PLXNC1: variants seen among roughly 807,000 people sequenced by gnomAD.
The protein encoded by PLXNC1 is plexin C1.
A neutral mutation model predicts 178.2 loss-of-function variants in PLXNC1; 75 were observed. That is an observed-to-expected ratio of 0.42 (90% CI 0.35 to 0.51). The LOEUF (loss-of-function observed/expected upper bound fraction) is 0.51, where lower values mean the gene tolerates loss of function less well. PLXNC1 is among the 20% of genes least tolerant of loss of function. The probability of loss-of-function intolerance (pLI) is 0.02; values close to 1 mark genes in which losing one functional copy is unlikely to be tolerated. For synonymous variants in PLXNC1, 790 were observed against 779.9 expected (o/e 1.01, Z -0.22); for missense variants, 1,503 against 1,984.4 (o/e 0.76, Z 4.61).
rs756034104 is a variant in PLXNC1 at position 94,259,590 on chromosome 12, TA to T, written c.3127-19del. On this transcript the variant is annotated intron_variant, in intron 18 of 30. Transcript: ENST00000258526. ...ATATATGATTTTGTATTATACTATA[TA>T]TTTTTTTCTTTTTATCAGAACAGAG... is the stretch of plus-strand genomic sequence containing the variant. 2.1e-5 allele frequency: 32 copies of T among 1,534,842 alleles called. No individual in the cohort carries two copies. In the East Asian group the frequency reaches 5.2e-4, roughly 25 times the overall value.
intron 23 of PLXNC1, among the ~76,000 whole-genome samples, chr12:94,292,253 T>C (rs1039247471): frequency 6.6e-6 from 1 of 152,032 alleles, no homozygotes; most frequent in Non-Finnish European, 1.5e-5. Context: ...TCATAAATGG[T>C]GATGGAAGAC....
chr12:94,184,178 G>T (rs576976812), intron 3 of PLXNC1, among the ~76,000 whole-genome samples: 1 of 150,918 alleles, frequency 6.6e-6, no homozygotes, highest in African/African-American at 2.4e-5. Flanking sequence ...GTGCAGTGGC[G>T]CAATCTCAGC....
At chr12:94,156,565 C>T (rs547932940) in intron 1 of PLXNC1, among the ~76,000 whole-genome samples, 1 of 151,864 alleles carries the variant, frequency 6.6e-6, no homozygotes, top group South Asian at 2.1e-4. Context: ...GCAACTACCT[C>T]CTCCTGGATT....
intron 4 of PLXNC1, among the ~76,000 whole-genome samples, chr12:94,206,561 G>A (rs1963307637): frequency 6.6e-6 from 1 of 151,636 alleles, no homozygotes; most frequent in Non-Finnish European, 1.5e-5. Flanking sequence ...TTTGCAAATA[G>A]GCTTGTGTCT....
At chr12:94,203,808 C>G (rs2135993614) in intron 4 of PLXNC1, among the ~76,000 whole-genome samples, 1 of 152,282 alleles carries the variant, frequency 6.6e-6, no homozygotes, top group East Asian at 1.9e-4. Context: ...AAAATGTCAC[C>G]TAAAAAGCGT....
chr12:94,222,396 C>T (rs1592781191), intron 6 of PLXNC1, among the ~76,000 whole-genome samples: 1 of 152,168 alleles, frequency 6.6e-6, no homozygotes, highest in Admixed American at 6.5e-5. Flanking sequence ...AGAATGGCTT[C>T]CCCCTTTCAC....
chr12:94,211,932 G>T (rs1963479718), intron 5 of PLXNC1, among the ~76,000 whole-genome samples: 1 of 152,184 alleles, frequency 6.6e-6, no homozygotes, highest in African/African-American at 2.4e-5. Context: ...GGGCTCCCCT[G>T]GTGGAATGAC....
intron 10 of PLXNC1, among the ~76,000 whole-genome samples, chr12:94,240,148 A>C (rs1964348705): frequency 2.0e-5 from 3 of 152,188 alleles, no homozygotes; most frequent in African/African-American, 4.8e-5. Context: ...TATGATACTC[A>C]ACAGAATTAT....
In PLXNC1 at chr12:94,300,922, C is replaced by T; in HGVS notation, c.4251C>T (p.Arg1417=). Residue 1417 remains arginine (R), a synonymous_variant, in exon 28 of 31, where the codon CGC becomes CGT. Coordinates refer to ENST00000258526, the MANE Select transcript of PLXNC1 (RefSeq NM_005761.3). ...TCTCTTTGAACAGCCTTCCTCTTCG[C>T]TTCTGGGTAAACATCCTGAAGAACC... ...HIWKTNSLPL[R]FWVNILKNPQ... 1 of 1,612,638 alleles carries T rather than the reference C, an allele frequency of 6.2e-7. No homozygotes were observed. Among genetic ancestry groups the T allele is most frequent in the African/African-American group, 1.3e-5 (1 of 75,008 alleles).
At chr12:94,275,537 C>G (rs1456951497) in intron 21 of PLXNC1, among the ~76,000 whole-genome samples, 1 of 152,184 alleles carries the variant, frequency 6.6e-6, no homozygotes, top group Non-Finnish European at 1.5e-5. Flanking sequence ...CCCCAAGGGC[C>G]TTGACTGTAC....
chr12:94,275,941 T>C (rs776389159), intron 21 of PLXNC1, among the ~76,000 whole-genome samples: 1 of 151,948 alleles, frequency 6.6e-6, no homozygotes, highest in Non-Finnish European at 1.5e-5. Flanking sequence ...TATCAATTTA[T>C]GTCTGAATTT....
At chr12:94,181,386 CAAAA>C in intron 2 of PLXNC1, 56 bp from the exon 3 acceptor site, 8 of 963,492 alleles carry the variant, frequency 8.3e-6, no homozygotes, top group East Asian at 3.2e-5. Context: ...GATTCCGTCT[CAAAA>C]AAAAAAAAAA....
intron 9 of PLXNC1, among the ~76,000 whole-genome samples, chr12:94,232,797 C>T (rs1479845457): frequency 6.6e-6 from 1 of 152,160 alleles, no homozygotes; most frequent in Non-Finnish European, 1.5e-5. Flanking sequence ...ATGCCCTGAG[C>T]TCAGAGTATC....
Position 94,260,561 on chromosome 12 carries a change from C to A in PLXNC1, c.3252-81C>A. On this transcript the variant is annotated intron_variant, in intron 19 of 30. Coordinates refer to ENST00000258526, the MANE Select transcript of PLXNC1 (RefSeq NM_005761.3). The surrounding 1 kb of genome is among the most constrained non-coding windows in gnomAD (Gnocchi z 4.4). ...CCCAACAGGCCAGCTCCCTGCCCTG[C>A]CAGTGAGCTTCCATGGAAACTCCCA... 1.0e-6 allele frequency: 1 copy of A among 981,754 alleles called. No homozygotes were observed. The highest frequency in any genetic ancestry group is 1.5e-6 in the Non-Finnish European group (1 of 647,040). The allele number at this position is 981,754 out of a possible 1,614,324, so 60.8% of individuals were successfully genotyped here.
In PLXNC1 at chr12:94,248,062, C is replaced by T; in HGVS notation, c.2548C>T (p.Arg850Trp). 4.3e-6 allele frequency: 7 copies of T among 1,614,004 alleles called. No individual in the cohort carries two copies. Among genetic ancestry groups the T allele is most frequent in the South Asian group, 1.1e-5 (1 of 91,064 alleles). The change falls in exon 13 of 31, where the codon CGG becomes TGG. Residue 850 changes from arginine (R) to tryptophan (W), a missense_variant. Around this residue, in one of 4 missense-constraint regions of PLXNC1, gnomAD observed 639 missense variants for 979.7 expected, o/e 0.65. Coordinates refer to ENST00000258526, the MANE Select transcript of PLXNC1 (RefSeq NM_005761.3). ...YREDPRFTGYRVESEVDTELE... is the reference protein window; with the variant it reads ...YREDPRFTGYWVESEVDTELE... ...GGAGGACCCCAGATTCACGGGGTATCGGGTGGAATCCGAGGTGGACACAGA... is the reference window on the plus strand; with the variant it reads ...GGAGGACCCCAGATTCACGGGGTATTGGGTGGAATCCGAGGTGGACACAGA...
At chr12:94,251,390 C>A in intron 14 of PLXNC1, 36 bp from the exon 15 acceptor site, 1 of 1,232,018 alleles carries the variant, frequency 8.1e-7, no homozygotes, top group Non-Finnish European at 1.2e-6. Flanking sequence ...CAGTCCCCAA[C>A]TCAATTGGGT....
At position 94,275,608 on chromosome 12, in the gene PLXNC1, C is replaced by G. The variant is rs545747986; in HGVS notation, c.3598-3864C>G. 1.6e-4 allele frequency among the ~76,000 whole-genome samples: 14 copies of G among 86,230 alleles called. 2 individuals carry two copies. The highest frequency in any genetic ancestry group is 6.5e-4 in the African/African-American group (13 of 20,042). 56.6% of individuals were successfully genotyped at this position (86,230 alleles called of 152,430 possible). ...GTGGCTCACGCCTGTAATCCCAGCA[C>G]TTTGGGAGGCCGAGGCGGGCGGATC... On this transcript the variant is annotated intron_variant, in intron 21 of 30. Coordinates refer to ENST00000258526, the MANE Select transcript of PLXNC1 (RefSeq NM_005761.3).
At chr12:94,218,917 G>A (rs1039738017) in intron 5 of PLXNC1, among the ~76,000 whole-genome samples, 1 of 152,058 alleles carries the variant, frequency 6.6e-6, no homozygotes, top group African/African-American at 2.4e-5. Flanking sequence ...TTCACACCTA[G>A]GATCATCAAG....
intron 12 of PLXNC1, among the ~76,000 whole-genome samples, chr12:94,246,539 C>T (rs779873154): frequency 6.6e-6 from 1 of 152,076 alleles, no homozygotes; most frequent in Non-Finnish European, 1.5e-5. Context: ...TGAAGGTGGC[C>T]GAGAAGGTGC....
Sources: allele counts gnomAD v4.1 joint callset (sites outside exome capture counted in the v4.1 genomes callset), GRCh38; gene constraint gnomAD v4.1.1; regional missense constraint gnomAD v4.1.1; non-coding constraint Gnocchi (gnomAD v3.1); transcripts MANE v1.5; gene names NCBI Gene and HGNC (gene_info 2026-07-23, HGNC 2026-07-21).